Variants in MEGF11 observed in about 807,000 individuals in gnomAD.
MEGF11 encodes the protein multiple epidermal growth factor-like domains protein 11.
MEGF11 carries 126 observed loss-of-function variants against 146.6 expected under a neutral mutation model. That is an observed-to-expected ratio of 0.86 (90% confidence interval 0.74 to 1.00). The LOEUF (loss-of-function observed/expected upper bound fraction) is 1.00. Among genes scored for constraint, MEGF11 ranks in the 50% least tolerant of loss-of-function variants. MEGF11 has a pLI of 0.00. For missense variants in MEGF11, 1,509 were observed against 1,521.2 expected (o/e 0.99, Z 0.13); for synonymous variants, 532 against 583.4 (o/e 0.91, Z 1.27).
chr15:65,980,882 G>A lies in MEGF11; in HGVS notation c.658C>T (p.Pro220Ser), dbSNP rs1383603122. 1.3e-6 allele frequency: 2 copies of A among 1,588,104 alleles called. No homozygotes were observed. The highest frequency in any genetic ancestry group is 1.7e-6 in the Non-Finnish European group (2 of 1,168,192). Residue 220 changes from proline to serine, a missense_variant, in exon 7 of 26, where the codon CCT becomes TCT. Physicochemically the swap from Pro to Ser is moderately conservative, Grantham distance 74 (BLOSUM62 -1). Coordinates refer to ENST00000395614, the MANE Select transcript of MEGF11 (RefSeq NM_001385028.1). Reference protein sequence around the residue: ...YTGVYCEELCPPGSHGAHCEL... With the variant: ...YTGVYCEELCSPGSHGAHCEL... The stretch of plus-strand genomic sequence containing the variant: ...CAGTGAGCTCCATGGCTCCCAGGAG[G>A]GCACAGCTCCTCGCAGCTGCATGGA...
intron 15 of MEGF11, among the ~76,000 whole-genome samples, chr15:65,919,600 A>C (rs1223624078): frequency 6.6e-6 from 1 of 152,234 alleles, no homozygotes; most frequent in Admixed American, 6.5e-5. Context: ...TGGCACCGAC[A>C]GGGCTTGCTT....
intron 24 of MEGF11, among the ~76,000 whole-genome samples, chr15:65,903,598 G>C (rs1301194556): frequency 1.3e-5 from 2 of 152,230 alleles, no homozygotes; most frequent in African/African-American, 4.8e-5. Flanking sequence ...CATACAGCAA[G>C]AACTAGGACT....
chr15:66,006,803 C>A (rs1413838309), intron 5 of MEGF11, among the ~76,000 whole-genome samples: 3 of 152,222 alleles, frequency 2.0e-5, no homozygotes, highest in African/African-American at 7.2e-5. Flanking sequence ...CAGCCAAGGG[C>A]AGCTCCCTGC....
At chr15:66,173,280 T>A (rs1409279627) in intron 1 of MEGF11, among the ~76,000 whole-genome samples, 1 of 152,178 alleles carries the variant, frequency 6.6e-6, no homozygotes, top group South Asian at 2.1e-4. Flanking sequence ...CTCTCTTTTT[T>A]ACATAAGTCC....
chr15:65,971,722 C>T (rs1050717546), intron 7 of MEGF11, among the ~76,000 whole-genome samples: 1 of 152,172 alleles, frequency 6.6e-6, no homozygotes, highest in Non-Finnish European at 1.5e-5. Context: ...CCTCCACCCC[C>T]AGGTGTCCAA....
At chr15:66,018,898 C>A (rs1004434979) in intron 5 of MEGF11, among the ~76,000 whole-genome samples, 1 of 152,064 alleles carries the variant, frequency 6.6e-6, no homozygotes, top group Non-Finnish European at 1.5e-5. Context: ...AGAAAGAAAC[C>A]AAGAACGCTA....
chr15:66,211,327 T>C (rs1307587506), intron 1 of MEGF11, among the ~76,000 whole-genome samples: 4 of 151,982 alleles, frequency 2.6e-5, no homozygotes, highest in Admixed American at 6.5e-5. Flanking sequence ...ATCGAGACCA[T>C]CTTGGCTAAC....
chr15:66,023,942 G>A (rs2083244948), intron 5 of MEGF11, among the ~76,000 whole-genome samples: 1 of 152,216 alleles, frequency 6.6e-6, no homozygotes, highest in Non-Finnish European at 1.5e-5. Context: ...ATACAGGGTT[G>A]CCAGTGGTGG....
chr15:66,128,535 G>T, intron 1 of MEGF11, 124 bp from the exon 2 acceptor site: 2 of 499,614 alleles, frequency 4.0e-6, no homozygotes, highest in Non-Finnish European at 6.7e-6. Context: ...GACTAACACT[G>T]TAACAGTTCA....
At chr15:66,136,710 C>T (rs2088903664) in intron 1 of MEGF11, among the ~76,000 whole-genome samples, 1 of 152,152 alleles carries the variant, frequency 6.6e-6, no homozygotes. Context: ...GGTTCAAGAA[C>T]GTTTGTTGCA....
intron 10 of MEGF11, among the ~76,000 whole-genome samples, chr15:65,938,305 C>G (rs2079858022): frequency 6.6e-6 from 1 of 152,270 alleles, no homozygotes; most frequent in Admixed American, 6.5e-5. Context: ...ATTTGGAACT[C>G]AGATCTCCTA....
chr15:66,201,151 G>A (rs2091147646), intron 1 of MEGF11, among the ~76,000 whole-genome samples: 2 of 152,006 alleles, frequency 1.3e-5, no homozygotes. Context: ...CACTGCTTGG[G>A]TAATTAGGTC....
intron 4 of MEGF11, among the ~76,000 whole-genome samples, chr15:66,098,599 A>G (rs529964076): frequency 6.6e-6 from 1 of 151,734 alleles, no homozygotes; most frequent in South Asian, 2.1e-4. Context: ...ATCCTCCAGC[A>G]TATCATCTCC....
chr15:66,029,167 T>G (rs1007758591), intron 5 of MEGF11, among the ~76,000 whole-genome samples: 7 of 151,986 alleles, frequency 4.6e-5, no homozygotes, highest in South Asian at 2.1e-4. Context: ...TTTTTTTTTT[T>G]GGGTGCCCTC....
At chr15:65,947,497 A>T (rs2141417127) in intron 10 of MEGF11, among the ~76,000 whole-genome samples, 1 of 152,286 alleles carries the variant, frequency 6.6e-6, no homozygotes, top group Admixed American at 6.5e-5. Flanking sequence ...TGGGGATGCT[A>T]CAGCCCCACC....
chr15:66,221,264 C>T (rs904519987), intron 1 of MEGF11, among the ~76,000 whole-genome samples: 1 of 152,228 alleles, frequency 6.6e-6, no homozygotes, highest in East Asian at 1.9e-4. Flanking sequence ...AGAGGGCTGC[C>T]TGGGTCACGG....
chr15:65,958,649 C>T (rs2080746367), intron 9 of MEGF11, among the ~76,000 whole-genome samples: 1 of 152,148 alleles, frequency 6.6e-6, no homozygotes, highest in South Asian at 2.1e-4. Context: ...TTTAAGATAC[C>T]CCATCCTGGC....
chr15:66,032,842 G>A (rs1697295773), intron 5 of MEGF11, among the ~76,000 whole-genome samples: 1 of 152,198 alleles, frequency 6.6e-6, no homozygotes, highest in Admixed American at 6.5e-5. Flanking sequence ...GATTAAAAAG[G>A]AAGCCGAGGT....
chr15:65,930,674 T>C, intron 11 of MEGF11, 149 bp downstream of exon 11: 1 of 957,524 alleles, frequency 1.0e-6, no homozygotes, highest in Non-Finnish European at 1.5e-6. Context: ...ATGGGTTTTC[T>C]TGCCTGGAAC....
Sources: gnomAD v4.1 joint callset for allele counts (sites outside exome capture counted in the v4.1 genomes callset) on GRCh38, gnomAD v4.1.1 for gene constraint, MANE v1.5 for transcripts, NCBI Gene and HGNC (gene_info 2026-07-23, HGNC 2026-07-21) for gene names.